THSD7B: variants seen among roughly 807,000 people sequenced by gnomAD.
THSD7B encodes the protein thrombospondin type 1 domain containing 7B.
Under a neutral mutation model 213.6 loss-of-function variants are expected in THSD7B, and 138 were observed. The ratio of observed to expected loss-of-function variants is 0.65; its 90% CI spans 0.56 to 0.74. THSD7B has a LOEUF of 0.74. THSD7B is among the 30% of genes least tolerant of loss of function. THSD7B has a pLI of 0.00. For synonymous variants in THSD7B, 742 were observed against 687.0 expected, an observed-to-expected ratio of 1.08 and a Z score of -1.25; for missense variants, 1,931 against 1,991.5, an observed-to-expected ratio of 0.97 and a Z score of 0.58.
chr2:137,054,156 G>A (rs1209103626), intron 2 of THSD7B, among the ~76,000 whole-genome samples: 4 of 152,320 alleles, frequency 2.6e-5, no homozygotes, highest in Admixed American at 6.5e-5. Flanking sequence ...AAGTCAGCCC[G>A]TGCTAAGATC....
chr2:137,042,377 G>A (rs1686899565), intron 2 of THSD7B, among the ~76,000 whole-genome samples: 1 of 152,136 alleles, frequency 6.6e-6, no homozygotes, highest in South Asian at 2.1e-4. Context: ...AAAGTATCAT[G>A]CATGCAAAAT....
chr2:137,311,063 G>C (rs1683892210), intron 12 of THSD7B, among the ~76,000 whole-genome samples: 1 of 150,894 alleles, frequency 6.6e-6, no homozygotes, highest in Non-Finnish European at 1.5e-5. Context: ...TAGCTTGATG[G>C]GGATGGCATT....
At position 137,119,815 on chromosome 2, in the gene THSD7B, G is replaced by A. The variant is rs114838507; in HGVS notation, c.1369+4522G>A. Among the ~76,000 whole-genome samples the A allele has an allele frequency of 8.7e-4, 133 of 152,222 alleles. 2 individuals carry two copies. Among genetic ancestry groups the A allele is most frequent in the African/African-American group, 3.1e-3 (128 of 41,522 alleles). On this transcript the variant is annotated intron_variant, in intron 5 of 27. Coordinates refer to ENST00000409968, the MANE Select transcript of THSD7B (RefSeq NM_001316349.2). ...AATTATGAGTTATCATATCCTATGT[G>A]TAAATGTATCTGACTATCCAGGAAG...
chr2:137,245,713 G>GT (rs1682015817), intron 10 of THSD7B, among the ~76,000 whole-genome samples: 1 of 152,182 alleles, frequency 6.6e-6, no homozygotes, highest in African/African-American at 2.4e-5. Context: ...GGGGCATATA[G>GT]TTGCTACTCA....
chr2:136,778,729 G>A (rs1056620686), intron 1 of THSD7B, among the ~76,000 whole-genome samples: 9 of 152,104 alleles, frequency 5.9e-5, no homozygotes, highest in Admixed American at 2.0e-4. Context: ...GTCAGAAACC[G>A]TCACCTTAAG....
At chr2:137,228,935 G>T (rs1179185068) in intron 7 of THSD7B, among the ~76,000 whole-genome samples, 1 of 152,084 alleles carries the variant, frequency 6.6e-6, no homozygotes, top group Non-Finnish European at 1.5e-5. Flanking sequence ...GTTCTTTAAT[G>T]TAGAGTTTTC....
intron 2 of THSD7B, among the ~76,000 whole-genome samples, chr2:136,922,484 T>C (rs1405481652): frequency 6.6e-6 from 1 of 152,222 alleles, no homozygotes; most frequent in Admixed American, 6.5e-5. Flanking sequence ...CATGATGTAA[T>C]TTCCAGTTGG....
chr2:137,233,872 T>G (rs1681699718), intron 9 of THSD7B, among the ~76,000 whole-genome samples: 1 of 152,188 alleles, frequency 6.6e-6, no homozygotes, highest in Non-Finnish European at 1.5e-5. Flanking sequence ...CTATGCATTA[T>G]AGAGAGACTT....
At chr2:137,388,201 T>G (rs1490159907) in intron 12 of THSD7B, among the ~76,000 whole-genome samples, 1 of 151,162 alleles carries the variant, frequency 6.6e-6, no homozygotes, top group East Asian at 1.9e-4. Context: ...AGTACATACT[T>G]CCCAGGGCTC....
At chr2:137,641,786 A>G (rs1274468368) in intron 20 of THSD7B, among the ~76,000 whole-genome samples, 1 of 152,224 alleles carries the variant, frequency 6.6e-6, no homozygotes, top group Admixed American at 6.5e-5. Flanking sequence ...TAGTATTTGA[A>G]CATATGTTTT....
At chr2:137,662,582 TGGAG>T (rs1683371131) in intron 25 of THSD7B, among the ~76,000 whole-genome samples, 1 of 152,124 alleles carries the variant, frequency 6.6e-6, no homozygotes, top group Admixed American at 6.6e-5. Context: ...TAAAAGGTGA[TGGAG>T]GGATTTCGCG....
chr2:137,056,617 C>G lies in THSD7B; in HGVS notation c.337C>G (p.His113Asp). ...LFQWEVSDWH[H>D]CVLVPYARGE... The stretch of plus-strand genomic sequence containing the variant: ...TCAGTGGGAGGTTTCTGACTGGCAC[C>G]ACTGTGTGCTTGTTCCTTACGCTCG... The change falls in exon 3 of 28, where the codon CAC becomes GAC. Residue 113 changes from histidine to aspartate, a missense_variant. His to Asp is a moderately conservative substitution (Grantham distance 81, BLOSUM62 -1). Transcript: ENST00000409968. 3.7e-6 allele frequency: 6 copies of G among 1,613,966 alleles called. No homozygotes were observed. The highest frequency in any genetic ancestry group is 5.1e-6 in the Non-Finnish European group (6 of 1,179,880).
intron 2 of THSD7B, among the ~76,000 whole-genome samples, chr2:137,053,623 C>G (rs1240519889): frequency 6.6e-6 from 1 of 150,972 alleles, no homozygotes; most frequent in Non-Finnish European, 1.5e-5. Flanking sequence ...AAAGTAAAGA[C>G]AAGAGTTACT....
chr2:137,315,584 A>C (rs759400826), intron 12 of THSD7B, among the ~76,000 whole-genome samples: 10 of 151,126 alleles, frequency 6.6e-5, no homozygotes, highest in Non-Finnish European at 1.0e-4. Flanking sequence ...GTCTCTATCA[A>C]CTTTTTTTTT....
chr2:137,401,748 C>A (rs576591841), intron 12 of THSD7B, among the ~76,000 whole-genome samples: 2 of 151,078 alleles, frequency 1.3e-5, no homozygotes, highest in South Asian at 2.1e-4. Flanking sequence ...AACATCATGT[C>A]CTAACTTTGC....
chr2:137,172,383 C>T (rs1377006067), intron 7 of THSD7B, among the ~76,000 whole-genome samples: 2 of 152,134 alleles, frequency 1.3e-5, no homozygotes, highest in East Asian at 3.9e-4. Flanking sequence ...CCACTGGAAA[C>T]AAGAGAGGGG....
Position 137,676,516 on chromosome 2 carries a change from CT to C in THSD7B, c.4740-5del. ...TACTTGATCTGAGGAATTTTTTTCCCTTTGCAGCAAGAAGCCAAAACCACAT... is the reference window on the plus strand; with the variant it reads ...TACTTGATCTGAGGAATTTTTTTCCCTTGCAGCAAGAAGCCAAAACCACAT... On this transcript the variant is annotated splice_polypyrimidine_tract_variant and splice_region_variant and intron_variant, in intron 27 of 27. Coordinates refer to ENST00000409968, the MANE Select transcript of THSD7B (RefSeq NM_001316349.2). 6.3e-7 allele frequency: 1 copy of C among 1,583,466 alleles called. No individual in the cohort carries two copies. Among genetic ancestry groups the C allele is most frequent in the Non-Finnish European group, 8.6e-7 (1 of 1,166,290 alleles).
Position 137,066,074 on chromosome 2 carries a change from A to G in THSD7B, c.950+8844A>G, listed in dbSNP as rs189743528. Among the ~76,000 whole-genome samples the G allele has an allele frequency of 1.1e-3, 162 of 151,740 alleles. 1 individual carries two copies. The highest frequency in any genetic ancestry group is 3.9e-3 in the African/African-American group (162 of 41,394). On this transcript the variant is annotated intron_variant, in intron 3 of 27. Transcript: ENST00000409968. ...CCTCCTCTCTGAAGCTTCTTTTAAT[A>G]CATTTTTTTCAAAGCAAGTCTATTC... is the stretch of plus-strand genomic sequence containing the variant.
chr2:137,335,713 G>A (rs1684624106), intron 12 of THSD7B, among the ~76,000 whole-genome samples: 1 of 152,158 alleles, frequency 6.6e-6, no homozygotes, highest in Non-Finnish European at 1.5e-5. Context: ...CGCACTTTGA[G>A]TAAATAGATC....
Sources: allele counts gnomAD v4.1 joint callset (sites outside exome capture counted in the v4.1 genomes callset), GRCh38; gene constraint gnomAD v4.1.1; transcripts MANE v1.5; gene names NCBI Gene and HGNC (gene_info 2026-07-23, HGNC 2026-07-21).